Variants in TCF12 observed in about 807,000 individuals in gnomAD.
TCF12 encodes the protein transcription factor 12, also known as DNA-binding protein HTF4.
In TCF12, 45 loss-of-function variants were observed where a neutral mutation model predicts 86.0. The ratio of observed to expected loss-of-function variants is 0.52; its 90% CI spans 0.41 to 0.67. The LOEUF is 0.67. Ranked by LOEUF, TCF12 falls within the 30% of genes least tolerant of loss-of-function variation. TCF12 has a pLI of 0.00. For missense variants in TCF12, 881 were observed against 859.9 expected, an observed-to-expected ratio of 1.02 and a Z score of -0.31; for synonymous variants, 330 against 299.6, an observed-to-expected ratio of 1.10 and a Z score of -1.05.
rs758065094 is a variant in TCF12, at chr15:57,120,942, C to T, written c.325+29051C>T. On this transcript the variant is annotated intron_variant, in intron 5 of 20. Coordinates refer to ENST00000333725, the MANE Select transcript of TCF12 (RefSeq NM_207037.2). ...GCTATAGTGAGCCATGATTGCACCT[C>T]TGCACTCTAGCCTGGGTGAAAAAGT... Among the ~76,000 whole-genome samples, 13 of 152,198 alleles carry T rather than the reference C, an allele frequency of 8.5e-5. No homozygotes were observed. In the South Asian group the frequency reaches 1.2e-3, roughly 15 times the overall value.
At chr15:57,283,892 A>T (rs2061813768) in intron 20 of TCF12, among the ~76,000 whole-genome samples, 1 of 152,236 alleles carries the variant, frequency 6.6e-6, no homozygotes, top group African/African-American at 2.4e-5. Context: ...AAACCAGACC[A>T]CAAAGAAGAT....
At chr15:56,957,276 A>C (rs1003573706) in intron 3 of TCF12, among the ~76,000 whole-genome samples, 2 of 152,192 alleles carry the variant, frequency 1.3e-5, no homozygotes, top group Non-Finnish European at 2.9e-5. Context: ...ATGGTTACCA[A>C]ATTTTGAAAA....
At chr15:56,968,177 G>A (rs554867821) in intron 3 of TCF12, among the ~76,000 whole-genome samples, 3 of 152,158 alleles carry the variant, frequency 2.0e-5, no homozygotes, top group Admixed American at 2.0e-4. Flanking sequence ...GGCTGGTCTC[G>A]AACTCCTGAC....
chr15:57,286,992 CA>C lies in TCF12; in HGVS notation c.*850del, dbSNP rs1401384081. 6.0e-6 allele frequency: 1 copy of C among 166,436 alleles called. No individual in the cohort carries two copies. The highest frequency in any genetic ancestry group is 1.3e-5 in the Non-Finnish European group (1 of 75,948). 10.3% of individuals were successfully genotyped at this position (166,436 alleles called of 1,614,324 possible). Reference sequence around the variant, plus strand: ...AAATTTTGTTCTCTAGGTTTTCCCCCAAATAAACATTGCTTTATTTCTAATA... The same window carrying C: ...AAATTTTGTTCTCTAGGTTTTCCCCCAATAAACATTGCTTTATTTCTAATA... On this transcript the variant is annotated 3_prime_UTR_variant, in exon 21 of 21. Transcript: ENST00000333725.
At chr15:57,079,788 T>C (rs1216313571) in intron 4 of TCF12, among the ~76,000 whole-genome samples, 2 of 152,130 alleles carry the variant, frequency 1.3e-5, no homozygotes, top group African/African-American at 4.8e-5. Context: ...GTTACAAAAG[T>C]GCTATGGAAA....
chr15:57,189,994 G>GT (rs1481026132), intron 6 of TCF12, among the ~76,000 whole-genome samples: 1 of 152,176 alleles, frequency 6.6e-6, no homozygotes, highest in Non-Finnish European at 1.5e-5. Context: ...GCCACATATT[G>GT]TATGAGTCCA....
At chr15:57,272,527 G>A (rs998177484) in intron 18 of TCF12, among the ~76,000 whole-genome samples, 3 of 152,208 alleles carry the variant, frequency 2.0e-5, no homozygotes, top group African/African-American at 7.2e-5. Context: ...CATAGGCTAA[G>A]CAAATTATAC....
intron 6 of TCF12, among the ~76,000 whole-genome samples, chr15:57,170,730 T>A (rs367596227): frequency 0.62 from 17,365 of 28,090 alleles, 4,226 homozygotes; most frequent in Non-Finnish European, 0.65. Flanking sequence ...TATTATATAT[T>A]ATATATAATA....
chr15:57,157,698 G>C (rs933375484), intron 5 of TCF12, among the ~76,000 whole-genome samples: 1 of 151,880 alleles, frequency 6.6e-6, no homozygotes, highest in Non-Finnish European at 1.5e-5. Flanking sequence ...GAGTAGCTGG[G>C]ACCACAGTTG....
At position 57,222,595 on chromosome 15, in the gene TCF12, ATAG is replaced by A. The variant is rs1465395174; in HGVS notation, c.580-8553_580-8551del. Among the ~76,000 whole-genome samples, 3 of 151,922 alleles carry A rather than the reference ATAG, an allele frequency of 2.0e-5. No homozygotes were observed. In the East Asian group the frequency reaches 5.8e-4, roughly 29 times the overall value. ...CTTATACTGTTTTGAAATATAAAAA[ATAG>A]TAGAGAACAGTGGGTTTCTGAGGTT... On this transcript the variant is annotated intron_variant, in intron 8 of 20. Coordinates refer to ENST00000333725, the MANE Select transcript of TCF12 (RefSeq NM_207037.2).
At chr15:57,054,774 T>C (rs2067875429) in intron 3 of TCF12, among the ~76,000 whole-genome samples, 1 of 21,096 alleles carries the variant, frequency 4.7e-5, no homozygotes, top group Non-Finnish European at 1.2e-4. Flanking sequence ...ATGCCTCTGC[T>C]TTTTTTTTTT....
chr15:57,226,209 T>C (rs1417737901), intron 8 of TCF12, among the ~76,000 whole-genome samples: 2 of 138,458 alleles, frequency 1.4e-5, no homozygotes, highest in East Asian at 4.0e-4. Flanking sequence ...TGACCTAGAC[T>C]TTTTTTTTTT....
At chr15:57,150,272 A>G (rs1328895928) in intron 5 of TCF12, among the ~76,000 whole-genome samples, 3 of 152,196 alleles carry the variant, frequency 2.0e-5, no homozygotes, top group Non-Finnish European at 4.4e-5. Flanking sequence ...ATGTACATGC[A>G]TGTATATGCA....
chr15:56,950,054 A>G (rs2061195864), intron 3 of TCF12, among the ~76,000 whole-genome samples: 1 of 152,238 alleles, frequency 6.6e-6, no homozygotes, highest in Non-Finnish European at 1.5e-5. Flanking sequence ...ATGGGAAACC[A>G]TCACCACAAT....
chr15:57,010,901 G>T (rs890438126), intron 3 of TCF12, among the ~76,000 whole-genome samples: 4 of 152,190 alleles, frequency 2.6e-5, no homozygotes, highest in African/African-American at 9.6e-5. Flanking sequence ...TTTTTATGTA[G>T]TCGTATTGCT....
intron 6 of TCF12, among the ~76,000 whole-genome samples, chr15:57,171,258 C>T (rs187821071): frequency 1.5e-4 from 23 of 150,600 alleles, no homozygotes; most frequent in Admixed American, 1.0e-3. Context: ...TTCATAGGAG[C>T]AGTTCGTGAG....
Position 57,096,027 on chromosome 15 carries a change from G to A in TCF12, c.325+4136G>A, listed in dbSNP as rs575496056. ...ATCTCCTGACTCTTAGTTGAATGCTGTTTCCATTAGGCCACACTGTTTAGG... is the reference window on the plus strand; with the variant it reads ...ATCTCCTGACTCTTAGTTGAATGCTATTTCCATTAGGCCACACTGTTTAGG... On this transcript the variant is annotated intron_variant, in intron 5 of 20. Transcript: ENST00000333725. 4.8e-4 allele frequency among the ~76,000 whole-genome samples: 73 copies of A among 152,232 alleles called. 1 individual carries two copies. The highest frequency in any genetic ancestry group is 4.8e-3 in the Admixed American group (73 of 15,286).
intron 4 of TCF12, among the ~76,000 whole-genome samples, chr15:57,070,138 T>C (rs566795614): frequency 1.3e-5 from 2 of 152,340 alleles, no homozygotes; most frequent in Admixed American, 6.5e-5. Context: ...GATTTAGCTT[T>C]AAAATACTTG....
At chr15:56,964,757 A>G (rs1480321653) in intron 3 of TCF12, among the ~76,000 whole-genome samples, 3 of 152,184 alleles carry the variant, frequency 2.0e-5, no homozygotes, top group Admixed American at 6.5e-5. Context: ...TGTGCCTTAT[A>G]ATAAAGGACC....
Sources: gnomAD v4.1 joint callset for allele counts (sites outside exome capture counted in the v4.1 genomes callset) on GRCh38, gnomAD v4.1.1 for gene constraint, MANE v1.5 for transcripts, NCBI Gene and HGNC (gene_info 2026-07-23, HGNC 2026-07-21) for gene names.